NRXN2: variants seen among roughly 807,000 people sequenced by gnomAD.
NRXN2 encodes the protein neurexin 2.
Under a neutral mutation model 128.8 loss-of-function variants are expected in NRXN2, and 29 were observed. That is an observed-to-expected ratio of 0.23 (90% CI 0.17 to 0.31). The LOEUF (loss-of-function observed/expected upper bound fraction) is 0.31. Ranked by LOEUF, NRXN2 falls within the 10% of genes least tolerant of loss-of-function variation. The pLI, the probability that NRXN2 is intolerant of heterozygous loss-of-function variation, is 1.00. For synonymous variants in NRXN2, 1,098 were observed against 1,075.2 expected (o/e 1.02, Z -0.41); for missense variants, 1,881 against 2,452.6 (o/e 0.77, Z 4.92).
At chr11:64,616,142 C>G (rs2041481286) in intron 22 of NRXN2, among the ~76,000 whole-genome samples, 1 of 152,020 alleles carries the variant, frequency 6.6e-6, no homozygotes, top group South Asian at 2.1e-4. Context: ...CACAGCCTGC[C>G]TCTGAGAATG....
chr11:64,656,784 G>A (rs2048344064), intron 11 of NRXN2, among the ~76,000 whole-genome samples: 2 of 152,204 alleles, frequency 1.3e-5, no homozygotes, highest in Non-Finnish European at 2.9e-5. Flanking sequence ...CAACTCAGGG[G>A]CTGCAGACAG....
At chr11:64,688,411 G>T (rs1279477536) in intron 5 of NRXN2, 2 of 985,428 alleles carry the variant, frequency 2.0e-6, no homozygotes, top group African/African-American at 1.7e-5. Flanking sequence ...AAGAAAACCC[G>T]AAGATGGTGA....
intron 17 of NRXN2, chr11:64,643,122 G>C: frequency 1.0e-6 from 1 of 984,708 alleles, no homozygotes; most frequent in South Asian, 4.7e-5. Flanking sequence ...GCCCGGGGGA[G>C]GGGGCATGGT....
chr11:64,721,184 C>A (rs930706442), intron 1 of NRXN2, among the ~76,000 whole-genome samples: 1 of 151,330 alleles, frequency 6.6e-6, no homozygotes, highest in Non-Finnish European at 1.5e-5. Flanking sequence ...TGCCACCGAG[C>A]GCGTGTATCA....
intron 22 of NRXN2, among the ~76,000 whole-genome samples, chr11:64,611,131 G>C (rs1203008299): frequency 6.6e-6 from 1 of 152,208 alleles, no homozygotes; most frequent in African/African-American, 2.4e-5. Flanking sequence ...CAGAATTGGG[G>C]CTCGTTATGC....
intron 2 of NRXN2, among the ~76,000 whole-genome samples, chr11:64,703,891 T>A (rs2055835975): frequency 6.6e-6 from 1 of 152,184 alleles, no homozygotes; most frequent in Non-Finnish European, 1.5e-5. Context: ...TCTTACAGAG[T>A]AGGACGTTGA....
At chr11:64,638,745 A>T (rs1254869290) in intron 17 of NRXN2, among the ~76,000 whole-genome samples, 2 of 152,244 alleles carry the variant, frequency 1.3e-5, no homozygotes, top group Non-Finnish European at 2.9e-5. Flanking sequence ...ATAACATTTC[A>T]GAGAGAACTA....
chr11:64,682,253 C>G (rs2052413549), intron 6 of NRXN2, among the ~76,000 whole-genome samples: 1 of 150,438 alleles, frequency 6.6e-6, no homozygotes, highest in Non-Finnish European at 1.5e-5. Context: ...GGGACTCCAT[C>G]TCTGGGGACT....
At position 64,622,867 on chromosome 11, in the gene NRXN2, C is replaced by G; in HGVS notation, c.4059G>C (p.Thr1353=). The change falls in exon 21 of 23, where the codon ACG becomes ACC. Residue 1353 remains threonine (T), a synonymous_variant. Transcript: ENST00000265459. The surrounding 1 kb of genome is among the most constrained non-coding windows in gnomAD (Gnocchi z 4.3). The part of the protein sequence containing the change: ...GPSVLLSAET[T]ATTLLADMAT... The stretch of plus-strand genomic sequence containing the variant: ...CCATGTCAGCCAGCAGGGTGGTGGC[C>G]GTGGTCTCCGCACTGAGCAGCACGG... 6.2e-7 allele frequency: 1 copy of G among 1,612,694 alleles called. No individual in the cohort carries two copies. The highest frequency in any genetic ancestry group is 1.1e-5 in the South Asian group (1 of 90,988).
At chr11:64,639,324 C>A (rs1476081315) in intron 17 of NRXN2, among the ~76,000 whole-genome samples, 1 of 152,088 alleles carries the variant, frequency 6.6e-6, no homozygotes, top group Non-Finnish European at 1.5e-5. Flanking sequence ...CCCTGCTTGG[C>A]CATAAACCAT....
rs10535079 is a variant in NRXN2 at position 64,647,207 on chromosome 11, TTGTGTGTGTGTG to T, written c.3403+1000_3403+1011del. Among the ~76,000 whole-genome samples, 898 of 146,646 alleles carry T rather than the reference TTGTGTGTGTGTG, an allele frequency of 6.1e-3. 11 individuals are homozygous for T. Among genetic ancestry groups the T allele is most frequent in the Middle Eastern group, 0.021 (6 of 288 alleles). ...ATGTCTGTAAAATGGAGACGCTTCG[TTGTGTGTGTGTG>T]TGTGTGTGTGTGTGTGTGCATGTGT... On this transcript the variant is annotated intron_variant, in intron 17 of 22. Transcript: ENST00000265459.
intron 7 of NRXN2, 111 bp from the exon 8 acceptor site, chr11:64,668,715 C>G: frequency 8.3e-7 from 1 of 1,205,964 alleles, no homozygotes; most frequent in East Asian, 2.3e-5. Flanking sequence ...GGAGGGGGAC[C>G]CCCATTTTTA....
At chr11:64,643,344 G>A in intron 17 of NRXN2, 2 of 939,864 alleles carry the variant, frequency 2.1e-6, no homozygotes, top group Non-Finnish European at 2.5e-6. Context: ...CCGGGGGAAA[G>A]GAGGGAGCGG....
Position 64,714,821 on chromosome 11 carries a change from A to G in NRXN2, c.-244-878T>C, listed in dbSNP as rs2057245396. ...ATAAAATTGCCTTTCTGAAATGATT[A>G]CCCTTGTAACGGGCTGTCAGAGAGC... is the stretch of plus-strand genomic sequence containing the variant. On this transcript the variant is annotated intron_variant, in intron 1 of 22. Coordinates refer to ENST00000265459, the MANE Select transcript of NRXN2 (RefSeq NM_015080.4). The surrounding 1 kb of genome is among the most constrained non-coding windows in gnomAD (Gnocchi z 4.5). Among the ~76,000 whole-genome samples, 2 of 151,902 alleles carry G rather than the reference A, an allele frequency of 1.3e-5. No homozygotes were observed. The highest frequency in any genetic ancestry group is 6.6e-5 in the Admixed American group (1 of 15,262).
At chr11:64,608,143 C>T (rs1307314220) in intron 22 of NRXN2, 61 bp from the exon 23 acceptor site, 22 of 1,274,606 alleles carry the variant, frequency 1.7e-5, no homozygotes, top group Admixed American at 1.5e-4. Context: ...CGCAGGCGGC[C>T]GGCACAGAGA....
Position 64,623,453 on chromosome 11 carries a change from C to T in NRXN2, c.3848-375G>A, listed in dbSNP as rs2135335189. The T allele has an allele frequency of 3.4e-6, 1 of 289,966 alleles. No homozygotes were observed. Among genetic ancestry groups the T allele is most frequent in the Non-Finnish European group, 6.6e-6 (1 of 150,630 alleles). The allele number at this position is 289,966 out of a possible 1,614,324, so 18.0% of individuals were successfully genotyped here. ...TCTTCCCTCAGTCCATCCCCATCTT[C>T]TCCCTCTGCTTCCCCAAACATCCTG... On this transcript the variant is annotated intron_variant, in intron 20 of 22. Coordinates refer to ENST00000265459, the MANE Select transcript of NRXN2 (RefSeq NM_015080.4). The surrounding 1 kb of genome is among the most constrained non-coding windows in gnomAD (Gnocchi z 4.9).
Position 64,688,618 on chromosome 11 carries a change from A to G in NRXN2, c.850+1787T>C, listed in dbSNP as rs910061966. 4.1e-6 allele frequency: 4 copies of G among 985,360 alleles called. No individual in the cohort carries two copies. The African/African-American group carries it at 7.0e-5, about 17-fold the overall frequency. 61.0% of individuals were successfully genotyped at this position (985,360 alleles called of 1,614,324 possible). A position where few individuals can be genotyped will look rare whatever the true frequency, so the allele number is the denominator to read the frequency against. On this transcript the variant is annotated intron_variant, in intron 5 of 22. Transcript: ENST00000265459. Reference sequence around the variant, plus strand: ...CCGGTCTGGCGCGACTGGGAACTACAACTCCCAGCAGCGCTTGCACAATTA... The same window carrying G: ...CCGGTCTGGCGCGACTGGGAACTACGACTCCCAGCAGCGCTTGCACAATTA...
intron 2 of NRXN2, among the ~76,000 whole-genome samples, chr11:64,702,986 A>G (rs1179440442): frequency 6.7e-6 from 1 of 150,034 alleles, no homozygotes; most frequent in East Asian, 1.9e-4. Context: ...AAAAAAAAAA[A>G]AAAAAAAAGA....
Position 64,623,297 on chromosome 11 carries a change from G to T in NRXN2, c.3848-219C>A. ...GCCCAGCCAGGTGGGGACCCCAGAAGGGGAGGGCACCCAGGGTACACATGG... is the reference window on the plus strand; with the variant it reads ...GCCCAGCCAGGTGGGGACCCCAGAATGGGAGGGCACCCAGGGTACACATGG... On this transcript the variant is annotated intron_variant, in intron 20 of 22. Transcript: ENST00000265459. The surrounding 1 kb of genome is among the most constrained non-coding windows in gnomAD (Gnocchi z 4.9). 1 of 751,448 alleles carries T rather than the reference G, an allele frequency of 1.3e-6. No homozygotes were observed. The highest frequency in any genetic ancestry group is 2.1e-6 in the Non-Finnish European group (1 of 478,684). 46.5% of individuals were successfully genotyped at this position (751,448 alleles called of 1,614,324 possible). A position where few individuals can be genotyped will look rare whatever the true frequency, so the allele number is the denominator to read the frequency against.
Sources: gnomAD v4.1 joint callset for allele counts (sites outside exome capture counted in the v4.1 genomes callset) on GRCh38, gnomAD v4.1.1 for gene constraint, Gnocchi (gnomAD v3.1) non-coding constraint, MANE v1.5 for transcripts, NCBI Gene and HGNC (gene_info 2026-07-23, HGNC 2026-07-21) for gene names.